EPHB1: variants seen among roughly 807,000 people sequenced by gnomAD.
EPHB1 encodes the protein ephrin type-B receptor 1.
A neutral mutation model predicts 94.4 loss-of-function variants in EPHB1; 30 were observed. The observed-to-expected ratio is 0.32, with a 90% CI of 0.24 to 0.43. The LOEUF (loss-of-function observed/expected upper bound fraction) is 0.43. EPHB1 is among the 20% of genes least tolerant of loss of function. EPHB1 has a pLI of 1.00. For synonymous variants in EPHB1, 522 were observed against 489.1 expected, an observed-to-expected ratio of 1.07 and a Z score of -0.89; for missense variants, 1,055 against 1,308.3, an observed-to-expected ratio of 0.81 and a Z score of 2.99.
intron 3 of EPHB1, among the ~76,000 whole-genome samples, chr3:135,099,318 TGG>T (rs1938940255): frequency 4.7e-5 from 1 of 21,148 alleles, no homozygotes; most frequent in African/African-American, 1.3e-4. Flanking sequence ...GATGGATGGA[TGG>T]ACGGATGGAT....
At chr3:135,014,898 G>T (rs562396357) in intron 3 of EPHB1, among the ~76,000 whole-genome samples, 1 of 152,282 alleles carries the variant, frequency 6.6e-6, no homozygotes, top group East Asian at 1.9e-4. Context: ...TTTGCTTTCT[G>T]GTTTTACTTT....
chr3:134,959,504 C>G (rs549058683), intron 3 of EPHB1, among the ~76,000 whole-genome samples: 3 of 152,252 alleles, frequency 2.0e-5, no homozygotes, highest in Non-Finnish European at 2.9e-5. Flanking sequence ...ACAAATGACC[C>G]TCTCTCTTGT....
At chr3:135,131,895 A>G (rs1374689912) in intron 4 of EPHB1, among the ~76,000 whole-genome samples, 1 of 152,182 alleles carries the variant, frequency 6.6e-6, no homozygotes, top group Non-Finnish European at 1.5e-5. Context: ...GGGCTTTCAC[A>G]CTGGCTTCAG....
In EPHB1 at chr3:134,910,824, C is replaced by T. The variant is rs529072183; in HGVS notation, c.59-14992C>T. ...CTCTCATTAGGCTTCTCTCATGGGT[C>T]GGCCCTTGGTGGTCCATTGATTCCA... On this transcript the variant is annotated intron_variant, in intron 1 of 15. Transcript: ENST00000398015. 6.6e-5 allele frequency among the ~76,000 whole-genome samples: 10 copies of T among 152,250 alleles called. No homozygotes were observed. In the East Asian group the frequency reaches 1.9e-3, roughly 29 times the overall value.
At chr3:135,007,170 T>C (rs1200217656) in intron 3 of EPHB1, among the ~76,000 whole-genome samples, 1 of 152,190 alleles carries the variant, frequency 6.6e-6, no homozygotes, top group Admixed American at 6.5e-5. Flanking sequence ...CATAGGACCA[T>C]GGAATAGCAC....
chr3:134,975,650 C>A (rs993935585), intron 3 of EPHB1, among the ~76,000 whole-genome samples: 1 of 152,072 alleles, frequency 6.6e-6, no homozygotes, highest in South Asian at 2.1e-4. Context: ...CTTCAGGAGG[C>A]AGGTCACATT....
At chr3:135,082,769 G>A (rs1194001492) in intron 3 of EPHB1, among the ~76,000 whole-genome samples, 1 of 152,236 alleles carries the variant, frequency 6.6e-6, no homozygotes, top group East Asian at 1.9e-4. Flanking sequence ...GCTCTTGAAA[G>A]TCTCACTTGT....
rs1553858669 is a variant in EPHB1, at chr3:134,860,150, G to GACACACACACACACACAGACAC, written c.58+64478_58+64479insGACACACACACACACACACACA. ...CAGCTGTAACAAAAGAGAAGGAAGG[G>GACACACACACACACACAGACAC]ACACACACACACACACACACAGACA... On this transcript the variant is annotated intron_variant, in intron 1 of 15. Coordinates refer to ENST00000398015, the MANE Select transcript of EPHB1 (RefSeq NM_004441.5). Among the ~76,000 whole-genome samples the GACACACACACACACACAGACAC allele has an allele frequency of 3.9e-3, 557 of 142,874 alleles. 6 individuals are homozygous for GACACACACACACACACAGACAC. Among genetic ancestry groups the GACACACACACACACACAGACAC allele is most frequent in the East Asian group, 7.9e-3 (37 of 4,656 alleles). The allele number at this position is 142,874 out of a possible 152,430, so 93.7% of individuals were successfully genotyped here.
chr3:135,159,705 C>G (rs1038646479), intron 6 of EPHB1, among the ~76,000 whole-genome samples: 2 of 152,186 alleles, frequency 1.3e-5, no homozygotes, highest in African/African-American at 4.8e-5. Context: ...TGCAGGCAAT[C>G]TCTCCCAGGG....
intron 1 of EPHB1, among the ~76,000 whole-genome samples, chr3:134,895,069 A>C (rs565673291): frequency 6.6e-6 from 1 of 152,344 alleles, no homozygotes; most frequent in Non-Finnish European, 1.5e-5. Flanking sequence ...CTACTTTAAT[A>C]ATCACTTTCC....
chr3:134,889,315 CT>C (rs1319071483), intron 1 of EPHB1, among the ~76,000 whole-genome samples: 1 of 151,942 alleles, frequency 6.6e-6, no homozygotes, highest in Non-Finnish European at 1.5e-5. Context: ...AAATTCTGCA[CT>C]CATTTCAACA....
chr3:134,827,553 G>C (rs6796514), intron 1 of EPHB1, among the ~76,000 whole-genome samples: 64,609 of 152,134 alleles, frequency 0.42, 16,769 homozygotes, highest in African/African-American at 0.73. Context: ...GGTTTATGTT[G>C]TGACTACAGC....
chr3:135,076,253 ATATATAT>A (rs1937912815), intron 3 of EPHB1, among the ~76,000 whole-genome samples: 3 of 86,578 alleles, frequency 3.5e-5, no homozygotes, highest in African/African-American at 6.3e-5. Context: ...ATATATATAT[ATATATAT>A]AACTCTTAAA....
intron 2 of EPHB1, among the ~76,000 whole-genome samples, chr3:134,946,683 C>T (rs1212623029): frequency 6.6e-6 from 1 of 152,120 alleles, no homozygotes; most frequent in Non-Finnish European, 1.5e-5. Flanking sequence ...TTGATGGTCT[C>T]CTTATGGTAA....
intron 3 of EPHB1, among the ~76,000 whole-genome samples, chr3:134,978,953 T>G (rs548177340): frequency 9.2e-5 from 14 of 152,222 alleles, no homozygotes; most frequent in Admixed American, 8.5e-4. Context: ...CTTTCTTGGG[T>G]TTTCTCCTCC....
At chr3:134,983,430 A>C (rs888618345) in intron 3 of EPHB1, among the ~76,000 whole-genome samples, 4 of 152,236 alleles carry the variant, frequency 2.6e-5, no homozygotes, top group Non-Finnish European at 5.9e-5. Flanking sequence ...TTCAGTTCTC[A>C]TCATGGCTCA....
intron 3 of EPHB1, among the ~76,000 whole-genome samples, chr3:135,066,401 T>C (rs1027048339): frequency 2.0e-5 from 3 of 152,254 alleles, no homozygotes; most frequent in Admixed American, 1.3e-4. Flanking sequence ...TGTTTTCTTA[T>C]TCCTTTTTCT....
chr3:134,972,980 G>T (rs932124080), intron 3 of EPHB1, among the ~76,000 whole-genome samples: 1 of 152,192 alleles, frequency 6.6e-6, no homozygotes. Flanking sequence ...GGCCTCAGCT[G>T]CCCATCTCTG....
intron 15 of EPHB1, among the ~76,000 whole-genome samples, chr3:135,255,854 A>C (rs1231327140): frequency 1.4e-5 from 2 of 143,016 alleles, no homozygotes; most frequent in African/African-American, 5.2e-5. Context: ...TGGGAGTCTA[A>C]GTCTCTTTGT....
Sources: allele counts gnomAD v4.1 joint callset (sites outside exome capture counted in the v4.1 genomes callset), GRCh38; gene constraint gnomAD v4.1.1; transcripts MANE v1.5; gene names NCBI Gene and HGNC (gene_info 2026-07-23, HGNC 2026-07-21).